MYH3: variants seen among roughly 807,000 people sequenced by gnomAD.
MYH3 encodes myosin-3.
MYH3 carries 130 observed loss-of-function variants against 238.0 expected under a neutral mutation model. That is an observed-to-expected ratio of 0.55 (90% CI 0.47 to 0.63). MYH3 has a LOEUF of 0.63. Ranked by LOEUF, MYH3 falls within the 30% of genes least tolerant of loss-of-function variation. The pLI, the probability that MYH3 is intolerant of heterozygous loss-of-function variation, is 0.00. For synonymous variants in MYH3, 880 were observed against 924.1 expected (o/e 0.95, Z 0.86); for missense variants, 1,853 against 2,374.9 (o/e 0.78, Z 4.57).
At chr17:10,674,055 A>C in the MYH3 span, 12 of 151,996 alleles carry the variant, frequency 7.9e-5, no homozygotes, top group Admixed American at 7.9e-4. Flanking sequence ...AAATTAATAG[A>C]CTCTGTGGTA....
At position 10,631,279 on chromosome 17, in the gene MYH3, G is replaced by T. The variant is rs1373802172; in HGVS notation, c.5286+332C>A. On this transcript the variant is annotated intron_variant, in intron 36 of 40. Transcript: ENST00000583535. ...TAGCGCGGTGGGCCGCCGGGAGAAA[G>T]CCTCGGAGACCCAGGAAGGGAAAAA... Among the ~76,000 whole-genome samples the T allele has an allele frequency of 2.6e-5, 4 of 152,266 alleles. No homozygotes were observed. The South Asian group carries it at 8.3e-4, about 32-fold the overall frequency.
chr17:10,651,421 G>A, intron 5 of MYH3, 91 bp downstream of exon 5: 2 of 1,601,922 alleles, frequency 1.2e-6, no homozygotes, highest in African/African-American at 1.3e-5. Context: ...CTAAACACCA[G>A]ATGGGGTCCA....
Position 10,631,681 on chromosome 17 carries a change from T to C in MYH3, c.5216A>G (p.Gln1739Arg). The change falls in exon 36 of 41, where the codon CAG (glutamine) becomes CGG (arginine). Residue 1739 changes from glutamine to arginine, a missense_variant. Around this residue, in one of 3 missense-constraint regions of MYH3, gnomAD observed 1,044 missense variants for 1,192.6 expected, o/e 0.88. Coordinates refer to ENST00000583535, the MANE Select transcript of MYH3 (RefSeq NM_002470.4). ...KKLETDLMQL[Q>R]SEVEDASRDA... ...CCTGCTGGCATCTTCTACCTCACTC[T>C]GGAGCTGCATGAGGTCTGTCTCCAG... 1 of 1,614,200 alleles carries C rather than the reference T, an allele frequency of 6.2e-7. No homozygotes were observed. The highest frequency in any genetic ancestry group is 8.5e-7 in the Non-Finnish European group (1 of 1,180,030).
At chr17:10,647,734 G>A (rs908407816) in intron 8 of MYH3, among the ~76,000 whole-genome samples, 4 of 152,086 alleles carry the variant, frequency 2.6e-5, no homozygotes, top group African/African-American at 9.7e-5. Flanking sequence ...TAATAGAGAC[G>A]GGGTTTCACC....
At position 10,629,676 on chromosome 17, in the gene MYH3, T is replaced by C; in HGVS notation, c.5717A>G (p.Glu1906Gly). The change falls in exon 40 of 41, where the codon GAG becomes GGG. Residue 1906 changes from glutamate to glycine, a missense_variant. Transcript: ENST00000583535. Reference protein sequence around the residue: ...KFRKAQHELEEAEERADIAES... With the variant: ...KFRKAQHELEGAEERADIAES... ...TGCGATATCCGCACGTTCCTCGGCCTCCTCCAGCTCATGCTGAGCCTTTCG... is the reference window on the plus strand; with the variant it reads ...TGCGATATCCGCACGTTCCTCGGCCCCCTCCAGCTCATGCTGAGCCTTTCG... 1 of 1,614,216 alleles carries C rather than the reference T, an allele frequency of 6.2e-7. No individual in the cohort carries two copies. The highest frequency in any genetic ancestry group is 8.5e-7 in the Non-Finnish European group (1 of 1,180,048).
At position 10,640,570 on chromosome 17, in the gene MYH3, T is replaced by C; in HGVS notation, c.2282A>G (p.His761Arg). ...DIDHTQYKFG[H>R]TKVFFKAGLL... ...TCAGAACTGATGCATTACCTTGGTA[T>C]GTCCAAATTTGTACTGAGTGTGGTC... The change falls in exon 20 of 41, where the codon CAT becomes CGT. Residue 761 changes from histidine to arginine, a missense_variant. Physicochemically the swap from His to Arg is conservative, Grantham distance 29 (BLOSUM62 0). Coordinates refer to ENST00000583535, the MANE Select transcript of MYH3 (RefSeq NM_002470.4). 6.2e-7 allele frequency: 1 copy of C among 1,614,288 alleles called. No homozygotes were observed. The highest frequency in any genetic ancestry group is 2.2e-5 in the East Asian group (1 of 44,892).
chr17:10,660,527 A>T (rs1463801166), upstream of MYH3, among the ~76,000 whole-genome samples: 1 of 151,854 alleles, frequency 6.6e-6, no homozygotes, highest in African/African-American at 2.4e-5. Context: ...TACAAAAAAA[A>T]TTAGCCTGGC....
At chr17:10,662,100 C>T (rs1378767635), upstream of MYH3, among the ~76,000 whole-genome samples, 1 of 151,974 alleles carries the variant, frequency 6.6e-6, no homozygotes, top group Non-Finnish European at 1.5e-5. Context: ...TGGCTCACTA[C>T]AACCTCGGCC....
chr17:10,628,755 C>A (rs2074118832), intron 40 of MYH3, 76 bp from the exon 41 acceptor site: 1 of 1,527,542 alleles, frequency 6.5e-7, no homozygotes, highest in South Asian at 1.1e-5. Flanking sequence ...TGCCGGCTGG[C>A]ATCAGAGTTG....
intron 28 of MYH3, among the ~76,000 whole-genome samples, chr17:10,636,079 C>T (rs928313431): frequency 5.3e-5 from 8 of 152,008 alleles, no homozygotes; most frequent in African/African-American, 1.9e-4. Context: ...AATCCCAGCA[C>T]TTTGGGAGGC....
Position 10,639,749 on chromosome 17 carries a change from G to C in MYH3, c.2736C>G (p.Ala912=), listed in dbSNP as rs1424313915. Residue 912 remains alanine, a synonymous_variant, in exon 23 of 41, where the codon GCC becomes GCG. Coordinates refer to ENST00000583535, the MANE Select transcript of MYH3 (RefSeq NM_002470.4). ...AEERCDQLIK[A]KFQLEAKIKE... is the part of the protein sequence containing the mutation. Reference sequence around the variant, plus strand: ...TGATCTTGGCCTCGAGCTGGAATTTGGCTTTGATCAGCTGATCGCATCTTT... The same window carrying C: ...TGATCTTGGCCTCGAGCTGGAATTTCGCTTTGATCAGCTGATCGCATCTTT... The C allele has an allele frequency of 6.2e-7, 1 of 1,613,594 alleles. No homozygotes were observed. Among genetic ancestry groups the C allele is most frequent in the Non-Finnish European group, 8.5e-7 (1 of 1,179,954 alleles).
At position 10,642,715 on chromosome 17, in the gene MYH3, G is replaced by A. The variant is rs1166222509; in HGVS notation, c.1590C>T (p.Gly530=). ...ACIELIEKPM[G]IFSILEEECM... The stretch of plus-strand genomic sequence containing the variant: ...ACTCCTCTTCCAGGATGGAGAAGAT[G>A]CCCATAGGCTGGATTGAAGGCAAGG... Residue 530 remains glycine (G), a synonymous_variant, in exon 16 of 41, where the codon GGC becomes GGT. Transcript: ENST00000583535. The surrounding 1 kb of genome is among the most constrained non-coding windows in gnomAD (Gnocchi z 5.4). The A allele has an allele frequency of 6.2e-7, 1 of 1,614,214 alleles. No individual in the cohort carries two copies. Among genetic ancestry groups the A allele is most frequent in the Non-Finnish European group, 8.5e-7 (1 of 1,180,040 alleles).
chr17:10,637,770 G>C, intron 28 of MYH3, 39 bp downstream of exon 28: 1 of 1,613,296 alleles, frequency 6.2e-7, no homozygotes, highest in Non-Finnish European at 8.5e-7. Context: ...TTGGGTGCCA[G>C]GAGGTTTTGG....
In MYH3 at chr17:10,629,899, A is replaced by G. The variant is rs1178668448; in HGVS notation, c.5601T>C (p.Asp1867=). The part of the protein sequence containing the change: ...EDRKNVLRLQ[D]LVDKLQVKVK... ...CTTTCACTTGCAGTTTATCCACCAG[A>G]TCCTGCAATCTCAGCACATTCTTCC... The change falls in exon 39 of 41, where the codon GAT becomes GAC. Residue 1867 remains aspartate (D), a synonymous_variant. Transcript: ENST00000583535. 6.2e-7 allele frequency: 1 copy of G among 1,614,068 alleles called. No individual in the cohort carries two copies. Among genetic ancestry groups the G allele is most frequent in the Non-Finnish European group, 8.5e-7 (1 of 1,180,008 alleles).
In MYH3 at chr17:10,634,173, C is replaced by G; in HGVS notation, c.4366G>C (p.Glu1456Gln). 6.2e-7 allele frequency: 1 copy of G among 1,614,220 alleles called. No homozygotes were observed. The highest frequency in any genetic ancestry group is 1.3e-5 in the African/African-American group (1 of 75,072). Residue 1456 changes from glutamate (E) to glutamine (Q), a missense_variant, in exon 32 of 41, where the codon GAG becomes CAG. By Grantham distance (29) the Glu-to-Gln change is conservative (BLOSUM62 2). Coordinates refer to ENST00000583535, the MANE Select transcript of MYH3 (RefSeq NM_002470.4). ...CTCTCCTCACACTTTGTCTTCCACT[C>G]TGCCAACACCTGAAACACCGGACGG... ...KQRNFDKVLA[E>Q]WKTKCEESQA...
intron 19 of MYH3, 73 bp from the exon 20 acceptor site, chr17:10,640,759 C>A: frequency 6.4e-7 from 1 of 1,553,818 alleles, no homozygotes; most frequent in Non-Finnish European, 8.8e-7. Flanking sequence ...GTAGTTCAGG[C>A]CTCTCTTCCT....
chr17:10,669,981 C>G, the MYH3 span, among the ~76,000 whole-genome samples: 5 of 152,240 alleles, frequency 3.3e-5, no homozygotes, highest in Admixed American at 3.3e-4. Flanking sequence ...TGATTTAAGG[C>G]ACAAGAGAGA....
Position 10,644,515 on chromosome 17 carries a change from A to C in MYH3, c.1261-15T>G. ...GCATGGTGAACCTATCAGGGGAAAGATCAGCTACTGGATATGAAGGAAGTG... is the reference window on the plus strand; with the variant it reads ...GCATGGTGAACCTATCAGGGGAAAGCTCAGCTACTGGATATGAAGGAAGTG... On this transcript the variant is annotated splice_polypyrimidine_tract_variant and intron_variant, in intron 13 of 40. Coordinates refer to ENST00000583535, the MANE Select transcript of MYH3 (RefSeq NM_002470.4). 2 of 1,614,200 alleles carry C rather than the reference A, an allele frequency of 1.2e-6. No individual in the cohort carries two copies. The highest frequency in any genetic ancestry group is 1.7e-6 in the Non-Finnish European group (2 of 1,179,996).
chr17:10,650,785 T>C (rs1007360958), intron 5 of MYH3, among the ~76,000 whole-genome samples: 2 of 152,194 alleles, frequency 1.3e-5, no homozygotes, highest in African/African-American at 4.8e-5. Context: ...CACCATTCTA[T>C]GGGACAGATC....
Sources: gnomAD v4.1 joint callset for allele counts (sites outside exome capture counted in the v4.1 genomes callset) on GRCh38, gnomAD v4.1.1 for gene constraint, gnomAD v4.1.1 regional missense constraint, Gnocchi (gnomAD v3.1) non-coding constraint, MANE v1.5 for transcripts, NCBI Gene and HGNC (gene_info 2026-07-23, HGNC 2026-07-21) for gene names.